Variants in GUCY2C observed in about 807,000 individuals in gnomAD.
GUCY2C encodes guanylate cyclase 2C, also known as guanylyl cyclase C.
In GUCY2C, 118 loss-of-function variants were observed where a neutral mutation model predicts 131.1. The observed-to-expected ratio is 0.90, with a 90% CI of 0.78 to 1.05. The LOEUF is 1.05. Among genes scored for constraint, GUCY2C ranks in the 50% least tolerant of loss-of-function variants. The pLI is 0.00. For missense variants in GUCY2C, 1,161 were observed against 1,304.4 expected (o/e 0.89, Z 1.69); for synonymous variants, 452 against 457.8 (o/e 0.99, Z 0.16).
In GUCY2C at chr12:14,672,887, C is replaced by T. The variant is rs764796248; in HGVS notation, c.1156G>A (p.Val386Met). ...DSTMVLLYTS[V>M]DTKKYKVLLT... ...GTGAGACATACTTTCTTGGTGTCCA[C>T]AGAGGTATACAGAAGCACCATGGTA... Residue 386 changes from valine (V) to methionine (M), a missense_variant, in exon 9 of 27, where the codon GTG becomes ATG. Coordinates refer to ENST00000261170, the MANE Select transcript of GUCY2C (RefSeq NM_004963.4). The T allele has an allele frequency of 2.5e-6, 4 of 1,596,650 alleles. No individual in the cohort carries two copies. In the African/African-American group the frequency reaches 5.4e-5, roughly 21 times the overall value.
At chr12:14,644,365 CAAAAAATA>C (rs1019177141) in intron 16 of GUCY2C, among the ~76,000 whole-genome samples, 8 of 151,730 alleles carry the variant, frequency 5.3e-5, no homozygotes, top group Non-Finnish European at 8.8e-5. Context: ...GACTCCGTCT[CAAAAAATA>C]AAAAAATAAA....
At chr12:14,640,686 T>A (rs1016875642) in intron 18 of GUCY2C, among the ~76,000 whole-genome samples, 1 of 152,130 alleles carries the variant, frequency 6.6e-6, no homozygotes, top group Non-Finnish European at 1.5e-5. Context: ...AATGAAGCAT[T>A]TTCCCTTGAG....
chr12:14,617,901 A>G (rs905411061), intron 24 of GUCY2C, among the ~76,000 whole-genome samples: 1 of 152,206 alleles, frequency 6.6e-6, no homozygotes, highest in Non-Finnish European at 1.5e-5. Context: ...AATGATTAAC[A>G]TAATTTCAAT....
chr12:14,645,909 C>T (rs1214680754), intron 15 of GUCY2C, among the ~76,000 whole-genome samples: 4 of 151,702 alleles, frequency 2.6e-5, no homozygotes, highest in South Asian at 2.1e-4. Context: ...AATCTCAGCT[C>T]ATTGCAACCT....
chr12:14,618,955 A>G lies in GUCY2C; in HGVS notation c.2875+256T>C, dbSNP rs184527017. 6.6e-5 allele frequency among the ~76,000 whole-genome samples: 10 copies of G among 152,302 alleles called. No homozygotes were observed. The East Asian group carries it at 1.9e-3, about 29-fold the overall frequency. ...TTCTAAGTAGAATATCCCCAGATTC[A>G]TTGTATATGAGCCAAAAATATAGAA... On this transcript the variant is annotated intron_variant, in intron 24 of 26. Coordinates refer to ENST00000261170, the MANE Select transcript of GUCY2C (RefSeq NM_004963.4).
At chr12:14,627,257 A>G (rs1947040025) in intron 20 of GUCY2C, among the ~76,000 whole-genome samples, 1 of 152,244 alleles carries the variant, frequency 6.6e-6, no homozygotes, top group African/African-American at 2.4e-5. Context: ...GGCCTGCATC[A>G]TCATCCCCTG....
Position 14,633,249 on chromosome 12 carries a change from C to T in GUCY2C, c.2158-4512G>A, listed in dbSNP as rs113156957. ...CCTGGCATTCCAGTCTTCAACAAAACGTCACTACTGCCTCCACTAACAATG... is the reference window on the plus strand; with the variant it reads ...CCTGGCATTCCAGTCTTCAACAAAATGTCACTACTGCCTCCACTAACAATG... On this transcript the variant is annotated intron_variant, in intron 19 of 26. Coordinates refer to ENST00000261170, the MANE Select transcript of GUCY2C (RefSeq NM_004963.4). Among the ~76,000 whole-genome samples the T allele has an allele frequency of 4.8e-3, 725 of 152,286 alleles. 7 individuals carry two copies. The highest frequency in any genetic ancestry group is 0.017 in the African/African-American group (688 of 41,550).
chr12:14,674,598 G>C, intron 8 of GUCY2C, 27 bp downstream of exon 8: 1 of 1,608,934 alleles, frequency 6.2e-7, no homozygotes. Flanking sequence ...TTCACCTTGG[G>C]GTTATTTGCT....
intron 16 of GUCY2C, 102 bp downstream of exon 16, chr12:14,645,127 A>G (rs538604287): frequency 1.9e-5 from 13 of 677,570 alleles, no homozygotes; most frequent in Middle Eastern, 3.9e-4. Flanking sequence ...TATTATTATC[A>G]TTTTACAGAT....
intron 26 of GUCY2C, chr12:14,614,570 G>A: frequency 7.4e-6 from 2 of 270,584 alleles, no homozygotes; most frequent in Non-Finnish European, 1.4e-5. Flanking sequence ...AAAAAAAAAA[G>A]GTAGTTTTAT....
At chr12:14,672,235 T>C (rs1233281809) in intron 9 of GUCY2C, 2 of 152,164 alleles carry the variant, frequency 1.3e-5, no homozygotes, top group Non-Finnish European at 2.9e-5. Context: ...TTTGTTTTGT[T>C]TTTGTTTGTT....
Position 14,648,351 on chromosome 12 carries a change from C to T in GUCY2C, c.1711-3036G>A, listed in dbSNP as rs140648969. On this transcript the variant is annotated intron_variant, in intron 15 of 26. Transcript: ENST00000261170. ...GTCACAAATGTTGAAAAAATCCTGA[C>T]ACATACAGCCAGAAAAGGCCATGAA... 6.1e-4 allele frequency among the ~76,000 whole-genome samples: 93 copies of T among 151,866 alleles called. 2 individuals carry two copies. Among genetic ancestry groups the T allele is most frequent in the African/African-American group, 2.2e-3 (92 of 41,422 alleles).
At chr12:14,652,417 C>T (rs1419445474) in intron 13 of GUCY2C, among the ~76,000 whole-genome samples, 1 of 152,110 alleles carries the variant, frequency 6.6e-6, no homozygotes, top group Non-Finnish European at 1.5e-5. Flanking sequence ...TCAAATGATC[C>T]ACCCGCCTCA....
At chr12:14,675,598 A>C (rs142746282) in intron 7 of GUCY2C, among the ~76,000 whole-genome samples, 100 of 152,274 alleles carry the variant, frequency 6.6e-4, no homozygotes, top group Middle Eastern at 3.4e-3. Flanking sequence ...TAGAGTTCTG[A>C]TTGGATATTA....
chr12:14,653,220 C>T (rs912686840), intron 12 of GUCY2C, among the ~76,000 whole-genome samples: 14 of 152,300 alleles, frequency 9.2e-5, no homozygotes, highest in East Asian at 3.9e-4. Context: ...GTATCTACTG[C>T]GCTCATGCTT....
At chr12:14,616,092 T>C (rs1405996627) in intron 25 of GUCY2C, among the ~76,000 whole-genome samples, 3 of 152,154 alleles carry the variant, frequency 2.0e-5, no homozygotes, top group Non-Finnish European at 4.4e-5. Context: ...ATTTCTGATC[T>C]ACGCCCACAG....
At chr12:14,695,144 G>A (rs373995164) in intron 1 of GUCY2C, among the ~76,000 whole-genome samples, 1 of 152,068 alleles carries the variant, frequency 6.6e-6, no homozygotes, top group Admixed American at 6.6e-5. Flanking sequence ...TGAACCAGAA[G>A]GATCCAAAAC....
rs139680030 is a variant in GUCY2C at position 14,670,348 on chromosome 12, ATCTCT to A, written c.1171-520_1171-516del. Among the ~76,000 whole-genome samples, 430 of 152,322 alleles carry A rather than the reference ATCTCT, an allele frequency of 2.8e-3. 9 individuals carry two copies. In the East Asian group the frequency reaches 0.065, roughly 23 times the overall value. Reference sequence around the variant, plus strand: ...CTTCTATCCATTACTTAATTTTCTAATCTCTTCTATTCCTTGGCTCTAATATGCTT... The same window carrying A: ...CTTCTATCCATTACTTAATTTTCTAATCTATTCCTTGGCTCTAATATGCTT... On this transcript the variant is annotated intron_variant, in intron 9 of 26. Coordinates refer to ENST00000261170, the MANE Select transcript of GUCY2C (RefSeq NM_004963.4).
At position 14,621,097 on chromosome 12, in the gene GUCY2C, A is replaced by G. The variant is rs1946886594; in HGVS notation, c.2721T>C (p.Phe907=). 6.2e-7 allele frequency: 1 copy of G among 1,614,000 alleles called. No individual in the cohort carries two copies. The highest frequency in any genetic ancestry group is 1.1e-5 in the South Asian group (1 of 91,082). The change falls in exon 23 of 27, where the codon TTT becomes TTC. Residue 907 remains phenylalanine, a synonymous_variant. Coordinates refer to ENST00000261170, the MANE Select transcript of GUCY2C (RefSeq NM_004963.4). ...ALEILSFMGT[F]ELEHLPGLPI... ...GGAGGCCAGGAAGATGCTCCAGCTC[A>G]AAGGTCCCCATGAAGCTGAGGATTT... is the stretch of plus-strand genomic sequence containing the variant.
Sources: gnomAD v4.1 joint callset for allele counts (sites outside exome capture counted in the v4.1 genomes callset) on GRCh38, gnomAD v4.1.1 for gene constraint, MANE v1.5 for transcripts, NCBI Gene and HGNC (gene_info 2026-07-23, HGNC 2026-07-21) for gene names.